The following ERVK3-1 variants were observed in gnomAD, a reference collection of about 807,000 sequenced individuals.
ERVK3-1 encodes endogenous retrovirus group K3 member 1, also known as HERV-K(HML6-1).
rs1360067742 is a variant in ERVK3-1, at chr19:58,312,179, C to T, written c.11C>T (p.Pro4Leu). Residue 4 changes from proline (P) to leucine (L), a missense_variant, in exon 3 of 4, where the codon CCG becomes CTG. Pro to Leu is a moderately conservative substitution (Grantham distance 98). Coordinates refer to ENST00000413518, the Ensembl canonical transcript of ERVK3-1. This position sits in a 1 kb window ranked among gnomAD's most constrained non-coding sequence, Gnocchi z 4.7. Reference sequence around the variant, plus strand: ...GTGTTTTTACAGGAGATGGACAAACCGTGTGGGTGCCCTCCAGGTGTGTGT... The same window carrying T: ...GTGTTTTTACAGGAGATGGACAAACTGTGTGGGTGCCCTCCAGGTGTGTGT... 5.0e-6 allele frequency: 2 copies of T among 399,970 alleles called. No homozygotes were observed. The highest frequency in any genetic ancestry group is 8.8e-6 in the Non-Finnish European group (2 of 226,090). 24.8% of individuals were successfully genotyped at this position (399,970 alleles called of 1,614,324 possible).
intron 2 of ERVK3-1, among the ~76,000 whole-genome samples, chr19:58,308,624 G>A (rs570860228): frequency 1.3e-5 from 2 of 152,144 alleles, no homozygotes; most frequent in East Asian, 1.9e-4. Flanking sequence ...ACCCCGGTCC[G>A]GTATCGGTAA....
chr19:58,309,669 C>G (rs1221606511), intron 2 of ERVK3-1: 2 of 152,196 alleles, frequency 1.3e-5, no homozygotes, highest in African/African-American at 2.4e-5. Context: ...TTCCTACCCC[C>G]CATTCTCCAT....
intron 2 of ERVK3-1, among the ~76,000 whole-genome samples, chr19:58,307,803 C>T (rs919872150): frequency 2.6e-5 from 4 of 152,320 alleles, no homozygotes; most frequent in African/African-American, 9.6e-5. Flanking sequence ...CCCATCCAGG[C>T]CACAACCCTG....
intron 1 of ERVK3-1, among the ~76,000 whole-genome samples, chr19:58,305,862 T>C (rs1236600149): frequency 1.3e-5 from 2 of 152,170 alleles, no homozygotes; most frequent in Admixed American, 6.5e-5. Flanking sequence ...CAGGAACATC[T>C]GGAACCTGCT....
intron 2 of ERVK3-1, among the ~76,000 whole-genome samples, chr19:58,308,636 T>A (rs940843838): frequency 6.6e-6 from 1 of 152,184 alleles, no homozygotes; most frequent in African/African-American, 2.4e-5. Context: ...TATCGGTAAC[T>A]GGGCAAACAG....
rs1477254585 is a variant in ERVK3-1 at position 58,313,269 on chromosome 19, G to A, written c.294+807G>A. On this transcript the variant is annotated intron_variant, in intron 3 of 3. Coordinates refer to ENST00000413518, the Ensembl canonical transcript of ERVK3-1. The surrounding 1 kb of genome is among the most constrained non-coding windows in gnomAD (Gnocchi z 4.5). Reference sequence around the variant, plus strand: ...TAAAAAATATTACCACTCAATTTACGGTTTGTGGGTTTTTTGTTGTTGTTG... The same window carrying A: ...TAAAAAATATTACCACTCAATTTACAGTTTGTGGGTTTTTTGTTGTTGTTG... 6.6e-6 allele frequency among the ~76,000 whole-genome samples: 1 copy of A among 151,990 alleles called. No homozygotes were observed. Among genetic ancestry groups the A allele is most frequent in the East Asian group, 1.9e-4 (1 of 5,200 alleles).
chr19:58,315,969 G>A (rs1015977214), downstream of ERVK3-1, among the ~76,000 whole-genome samples: 2 of 152,180 alleles, frequency 1.3e-5, no homozygotes, highest in African/African-American at 2.4e-5. Context: ...TGGGACCTCT[G>A]CCCAGGACTG....
intron 2 of ERVK3-1, chr19:58,311,067 A>G (rs1016070506): frequency 4.5e-5 from 7 of 156,258 alleles, no homozygotes; most frequent in South Asian, 1.8e-4. Flanking sequence ...ATTATAGAGC[A>G]AGGATTATTG....
intron 1 of ERVK3-1, 147 bp downstream of exon 1, chr19:58,305,592 C>CCT: frequency 1.3e-5 from 2 of 152,154 alleles, no homozygotes; most frequent in Admixed American, 6.6e-5. Flanking sequence ...GGCAGAGAGG[C>CCT]GCGCGGTGCG....
At chr19:58,308,084 A>G (rs141254173) in intron 2 of ERVK3-1, among the ~76,000 whole-genome samples, 5 of 152,372 alleles carry the variant, frequency 3.3e-5, no homozygotes, top group Admixed American at 2.6e-4. Context: ...TAATGTCACA[A>G]GATCTTTGGG....
chr19:58,305,681 A>C (rs888514055), intron 1 of ERVK3-1, among the ~76,000 whole-genome samples: 4 of 152,192 alleles, frequency 2.6e-5, no homozygotes, highest in Admixed American at 2.6e-4. Context: ...TGTTGGAGGC[A>C]GAAGGAATGA....
At chr19:58,315,406 T>C (rs1271699177) in exon 4 of ERVK3-1, 1 of 152,252 alleles carries the variant, frequency 6.6e-6, no homozygotes, top group Non-Finnish European at 1.5e-5. Flanking sequence ...TATGTCTAGA[T>C]TTGCCTCTTC....
At chr19:58,305,820 G>T (rs936961130) in intron 1 of ERVK3-1, among the ~76,000 whole-genome samples, 1 of 152,204 alleles carries the variant, frequency 6.6e-6, no homozygotes, top group Admixed American at 6.5e-5. Context: ...GGGCAGTCAT[G>T]TCCCAGGTCC....
At chr19:58,305,784 G>C (rs989040109) in intron 1 of ERVK3-1, among the ~76,000 whole-genome samples, 20 of 152,150 alleles carry the variant, frequency 1.3e-4, no homozygotes, top group African/African-American at 3.6e-4. Context: ...CTGACAAACT[G>C]CGTCTGCCGC....
chr19:58,308,441 A>G (rs932834562), intron 2 of ERVK3-1, among the ~76,000 whole-genome samples: 1 of 152,268 alleles, frequency 6.6e-6, no homozygotes, highest in Non-Finnish European at 1.5e-5. Flanking sequence ...ATGGACAGCC[A>G]TGTACTTTTC....
chr19:58,316,280 G>C (rs1368507854), downstream of ERVK3-1, among the ~76,000 whole-genome samples: 2 of 152,128 alleles, frequency 1.3e-5, no homozygotes, highest in African/African-American at 4.8e-5. Context: ...TCAGCATTGG[G>C]TAGAGAGGGT....
exon 4 of ERVK3-1, chr19:58,315,060 T>C (rs2051582661): frequency 3.0e-6 from 1 of 332,502 alleles, no homozygotes; most frequent in South Asian, 1.5e-4. Flanking sequence ...AAAGGAATCA[T>C]GTGGGCCTGT....
chr19:58,309,691 G>T (rs1184934878), intron 2 of ERVK3-1: 1 of 152,198 alleles, frequency 6.6e-6, no homozygotes, highest in Non-Finnish European at 1.5e-5. Flanking sequence ...AGGACTTTTA[G>T]CTCAATTCAT....
downstream of ERVK3-1, among the ~76,000 whole-genome samples, chr19:58,316,648 G>A (rs1419066547): frequency 6.6e-6 from 1 of 152,220 alleles, no homozygotes; most frequent in Non-Finnish European, 1.5e-5. Context: ...TCCAGCCTGG[G>A]CAACGAGCGA....
Sources: gnomAD v4.1 joint callset for allele counts (sites outside exome capture counted in the v4.1 genomes callset) on GRCh38, gnomAD v4.1.1 for gene constraint, Gnocchi (gnomAD v3.1) non-coding constraint, MANE v1.5 for transcripts, NCBI Gene and HGNC (gene_info 2026-07-23, HGNC 2026-07-21) for gene names.